The following MUC5AC variants were observed in gnomAD, a reference collection of about 807,000 sequenced individuals.
MUC5AC encodes mucin-5AC.
Under a neutral mutation model 169.7 loss-of-function variants are expected in MUC5AC, and 158 were observed. The ratio of observed to expected loss-of-function variants is 0.93; its 90% CI spans 0.82 to 1.06. MUC5AC has a LOEUF of 1.06. MUC5AC is among the 50% of genes least tolerant of loss of function. The pLI is 0.00. For synonymous variants in MUC5AC, 1,975 were observed against 1,237.0 expected (o/e 1.60, Z -12.52); for missense variants, 4,359 against 3,089.9 (o/e 1.41, Z -9.74).
chr11:1,162,487 C>T (rs750009822), intron 4 of MUC5AC, 45 bp from the exon 5 acceptor site: 2 of 1,558,164 alleles, frequency 1.3e-6, no homozygotes, highest in African/African-American at 2.7e-5. Context: ...CCTGGGGTCT[C>T]TCCTCACTGC....
chr11:1,158,168 C>A, intron 1 of MUC5AC, 96 bp downstream of exon 1: 2 of 1,128,832 alleles, frequency 1.8e-6, no homozygotes, highest in Non-Finnish European at 2.5e-6. Context: ...TCCGGGCAGG[C>A]TGCATGTGCC....
At position 1,184,972 on chromosome 11, in the gene MUC5AC, C is replaced by A. The variant is rs1860895157; in HGVS notation, c.6827C>A (p.Thr2276Lys). Residue 2276 changes from threonine (T) to lysine (K), a missense_variant, in exon 31 of 49, where the codon ACA (threonine) becomes AAA (lysine). Physicochemically the swap from Thr to Lys is moderately conservative, Grantham distance 78. Transcript: ENST00000621226. ...ACAACCTATGCCCATACAACCAGCA[C>A]AACCTCTGCTCCTACAGCCAGAACA... The part of the protein sequence containing the change: ...TSTTYAHTTS[T>K]TSAPTARTTS... The A allele has an allele frequency of 1.5e-6, 1 of 666,818 alleles. No individual in the cohort carries two copies. The highest frequency in any genetic ancestry group is 2.7e-6 in the Non-Finnish European group (1 of 366,814). The allele number at this position is 666,818 out of a possible 1,614,324, so 41.3% of individuals were successfully genotyped here.
In MUC5AC at chr11:1,183,647, C is replaced by T. The variant is rs1384033566; in HGVS notation, c.5502C>T (p.Tyr1834=). The change falls in exon 31 of 49, where the codon TAC becomes TAT. Residue 1834 remains tyrosine (Y), a synonymous_variant. Coordinates refer to ENST00000621226, the MANE Select transcript of MUC5AC (RefSeq NM_001304359.2). ...QQGPFKMCLN[Y]EVRVLCCETP... ...GACCCTTCAAGATGTGCCTCAACTA[C>T]GAGGTGCGTGTGCTCTGCTGCGAGA... 687 of 640,554 alleles carry T rather than the reference C, an allele frequency of 1.1e-3. No homozygotes were observed. The highest frequency in any genetic ancestry group is 8.0e-3 in the African/African-American group (426 of 53,560). 39.7% of individuals were successfully genotyped at this position (640,554 alleles called of 1,614,324 possible).
At chr11:1,162,448 C>A in intron 4 of MUC5AC, 84 bp from the exon 5 acceptor site, 5 of 1,263,708 alleles carry the variant, frequency 4.0e-6, no homozygotes, top group South Asian at 1.3e-5. Context: ...ATGACCGTGT[C>A]ACATTTGCGA....
rs148512632 is a variant in MUC5AC, at chr11:1,192,750, C to T, written c.14381-33C>T. 2.0e-5 allele frequency: 15 copies of T among 740,066 alleles called. No individual in the cohort carries two copies. In the African/African-American group the frequency reaches 2.6e-4, roughly 13 times the overall value. The allele number at this position is 740,066 out of a possible 1,614,324, so 45.8% of individuals were successfully genotyped here. ...TTTGCTTCTCCTTTGAGCAGGACTC[C>T]ACTAAAGGCTGCCATGTCCCTTCCT... On this transcript the variant is annotated intron_variant, in intron 31 of 48. Transcript: ENST00000621226.
rs1408694137 is a variant in MUC5AC, at chr11:1,190,100, G to A, written c.11955G>A (p.Arg3985=). ...AGGAAACCTACAACAACATCATCAGGAGTGGGGAAAAAATCTGCCGCCGAC... is the reference window on the plus strand; with the variant it reads ...AGGAAACCTACAACAACATCATCAGAAGTGGGGAAAAAATCTGCCGCCGAC... ...GDKETYNNII[R]SGEKICRRPE... The change falls in exon 31 of 49, where the codon AGG becomes AGA. Residue 3985 remains arginine (R), a synonymous_variant. Transcript: ENST00000621226. 1.3e-6 allele frequency: 1 copy of A among 762,392 alleles called. No homozygotes were observed. The highest frequency in any genetic ancestry group is 1.3e-5 in the South Asian group (1 of 74,158). The allele number at this position is 762,392 out of a possible 1,614,324, so 47.2% of individuals were successfully genotyped here. A position where few individuals can be genotyped will look rare whatever the true frequency, so the allele number is the denominator to read the frequency against.
chr11:1,175,916 C>T (rs1860671764), intron 19 of MUC5AC, among the ~76,000 whole-genome samples: 1 of 143,892 alleles, frequency 6.9e-6, no homozygotes, highest in Non-Finnish European at 1.5e-5. Flanking sequence ...CACACACACC[C>T]ACTCATGCAC....
chr11:1,167,974 A>T lies in MUC5AC; in HGVS notation c.1484A>T (p.Asp495Val). ...CTGAAGAGCGTGACACTGAGCCTGGATGGGGCGCAGACGGTGAGTGGAGCC... is the reference window on the plus strand; with the variant it reads ...CTGAAGAGCGTGACACTGAGCCTGGTTGGGGCGCAGACGGTGAGTGGAGCC... The part of the protein sequence containing the change: ...TCLKSVTLSL[D>V]GAQTVVVIKA... Residue 495 changes from aspartate to valine, a missense_variant, in exon 12 of 49, where the codon GAT (aspartate) becomes GTT (valine). Asp to Val is a radical substitution (Grantham distance 152). Transcript: ENST00000621226. The T allele has an allele frequency of 6.4e-7, 1 of 1,550,486 alleles. No homozygotes were observed. The highest frequency in any genetic ancestry group is 8.7e-7 in the Non-Finnish European group (1 of 1,147,200).
chr11:1,167,115 T>C (rs1590136355), intron 11 of MUC5AC, among the ~76,000 whole-genome samples: 4 of 68,512 alleles, frequency 5.8e-5, no homozygotes, highest in Non-Finnish European at 8.7e-5. Flanking sequence ...ACACACAGTC[T>C]CCCACGATGA....
At chr11:1,198,381 T>G in intron 43 of MUC5AC, 76 bp downstream of exon 43, 1 of 699,078 alleles carries the variant, frequency 1.4e-6, no homozygotes, top group Non-Finnish European at 2.6e-6. Context: ...CAGGTAGACT[T>G]TGGAGCAACT....
In MUC5AC at chr11:1,194,657, C is replaced by T. The variant is rs570452895; in HGVS notation, c.15177C>T (p.Thr5059=). 6.7e-5 allele frequency: 51 copies of T among 761,234 alleles called. No homozygotes were observed. The highest frequency in any genetic ancestry group is 1.2e-4 in the Non-Finnish European group (48 of 415,590). The allele number at this position is 761,234 out of a possible 1,614,324, so 47.2% of individuals were successfully genotyped here. ...CCTTCAGCAAGTTTGCCAACAACAC[C>T]GAGGGCCAGTGCGGTGAGGCCACAG... ...EVPFSKFANN[T]EGQCGTCTND... The change falls in exon 35 of 49, where the codon ACC becomes ACT. Residue 5059 remains threonine, a synonymous_variant. Coordinates refer to ENST00000621226, the MANE Select transcript of MUC5AC (RefSeq NM_001304359.2).
chr11:1,191,803 C>T lies in MUC5AC; in HGVS notation c.13658C>T (p.Thr4553Ile), dbSNP rs1259475249. The change falls in exon 31 of 49, where the codon ACA becomes ATA. Residue 4553 changes from threonine to isoleucine, a missense_variant. Physicochemically the swap from Thr to Ile is moderately conservative, Grantham distance 89. Transcript: ENST00000621226. ...TSLSPVPTTS[T>I]TSAPTTSTTS... The stretch of plus-strand genomic sequence containing the variant: ...CTCAGCCCTGTTCCCACCACGAGCA[C>T]AACCTCTGCTCCTACAACTAGCACA... 20 of 763,098 alleles carry T rather than the reference C, an allele frequency of 2.6e-5. 1 individual carries two copies. The highest frequency in any genetic ancestry group is 4.8e-5 in the Non-Finnish European group (20 of 416,876). The allele number at this position is 763,098 out of a possible 1,614,324, so 47.3% of individuals were successfully genotyped here.
Sources: gnomAD v4.1 joint callset for allele counts (sites outside exome capture counted in the v4.1 genomes callset) on GRCh38, gnomAD v4.1.1 for gene constraint, MANE v1.5 for transcripts, NCBI Gene and HGNC (gene_info 2026-07-23, HGNC 2026-07-21) for gene names.